Variants in ZNF678 observed in about 807,000 individuals in gnomAD.
The protein encoded by ZNF678 is hypothetical protein MGC42493.
In ZNF678, 5 loss-of-function variants were observed where a neutral mutation model predicts 3.0. The ratio of observed to expected loss-of-function variants is 1.69; its 90% CI spans 0.88 to 3.56. ZNF678 has a LOEUF of 3.56. Among genes scored for constraint, ZNF678 ranks in the 30% most tolerant of loss-of-function variants. ZNF678 has a pLI of 0.00. For missense variants in ZNF678, 593 were observed against 605.0 expected, an observed-to-expected ratio of 0.98 and a Z score of 0.21; for synonymous variants, 218 against 199.6, an observed-to-expected ratio of 1.09 and a Z score of -0.78.
At chr1:227,652,946 T>C (rs1659125184) in intron 3 of ZNF678, among the ~76,000 whole-genome samples, 1 of 152,156 alleles carries the variant, frequency 6.6e-6, no homozygotes, top group Non-Finnish European at 1.5e-5. Context: ...AGGACAGTTG[T>C]ACTGGTGATG....
At chr1:227,632,535 C>T (rs573054526) in intron 1 of ZNF678, among the ~76,000 whole-genome samples, 4 of 152,168 alleles carry the variant, frequency 2.6e-5, no homozygotes, top group East Asian at 3.9e-4. Flanking sequence ...AGTCGGCCCT[C>T]GGCTTCCCCC....
rs1396900252 is a variant in ZNF678, at chr1:227,660,457, T to A, written c.*4629T>A. The A allele has an allele frequency of 2.0e-5, 3 of 152,140 alleles. No homozygotes were observed. Among genetic ancestry groups the A allele is most frequent in the African/African-American group, 7.2e-5 (3 of 41,448 alleles). 9.4% of individuals were successfully genotyped at this position (152,140 alleles called of 1,614,324 possible). ...TGTAGAGATCTTTAACATTTTTGAA[T>A]AATTTTATTTGGAAGTAAACTTTCT... is the stretch of plus-strand genomic sequence containing the variant. On this transcript the variant is annotated 3_prime_UTR_variant, in exon 4 of 4. Coordinates refer to ENST00000343776, the MANE Select transcript of ZNF678 (RefSeq NM_001367909.1).
At chr1:227,607,871 C>T (rs1404076907) in intron 1 of ZNF678, among the ~76,000 whole-genome samples, 1 of 149,424 alleles carries the variant, frequency 6.7e-6, no homozygotes, top group African/African-American at 2.4e-5. Context: ...AATAAATTGG[C>T]ACAGTTATAG....
chr1:227,592,920 A>G (rs1657454196), intron 1 of ZNF678, among the ~76,000 whole-genome samples: 1 of 152,242 alleles, frequency 6.6e-6, no homozygotes, highest in Admixed American at 6.5e-5. Flanking sequence ...GGGGATGAAC[A>G]AGGGCTGACT....
chr1:227,624,558 G>T (rs1453820810), intron 1 of ZNF678, among the ~76,000 whole-genome samples: 1 of 152,162 alleles, frequency 6.6e-6, no homozygotes, highest in Non-Finnish European at 1.5e-5. Context: ...AGATGGTGGT[G>T]GACCACTCCC....
chr1:227,649,776 G>T (rs1659046869), intron 2 of ZNF678, among the ~76,000 whole-genome samples: 1 of 152,158 alleles, frequency 6.6e-6, no homozygotes, highest in Non-Finnish European at 1.5e-5. Flanking sequence ...GTGATAGTCA[G>T]CCCTCTGATA....
At chr1:227,590,609 A>G (rs893734660) in intron 1 of ZNF678, among the ~76,000 whole-genome samples, 1 of 151,814 alleles carries the variant, frequency 6.6e-6, no homozygotes, top group Admixed American at 6.6e-5. Context: ...TTTCGCAGGA[A>G]GCATAGACAG....
rs1336142293 is a variant in ZNF678, at chr1:227,638,727, T to C, written c.-163-7817T>C. On this transcript the variant is annotated intron_variant, in intron 1 of 3. Transcript: ENST00000343776. The surrounding 1 kb of genome is among the most constrained non-coding windows in gnomAD (Gnocchi z 4.2). ...TGGAGTTTTGAAAGGATGTCTCTGC[T>C]TAGGAGCAGAGTTGGGCATGAGGGC... is the stretch of plus-strand genomic sequence containing the variant. 6.6e-6 allele frequency among the ~76,000 whole-genome samples: 1 copy of C among 151,960 alleles called. No individual in the cohort carries two copies. Among genetic ancestry groups the C allele is most frequent in the Non-Finnish European group, 1.5e-5 (1 of 67,988 alleles).
At position 227,655,377 on chromosome 1, in the gene ZNF678, C is replaced by T; in HGVS notation, c.1127C>T (p.Pro376Leu). Residue 376 changes from proline (P) to leucine (L), a missense_variant, in exon 4 of 4, where the codon CCC (proline) becomes CTC (leucine). Coordinates refer to ENST00000343776, the MANE Select transcript of ZNF678 (RefSeq NM_001367909.1). ...QHKRIHTGEK[P>L]YKCKECGKAF... Reference sequence around the variant, plus strand: ...AAAAGAATTCATACTGGAGAGAAACCCTACAAATGCAAAGAATGTGGCAAA... The same window carrying T: ...AAAAGAATTCATACTGGAGAGAAACTCTACAAATGCAAAGAATGTGGCAAA... 6.2e-7 allele frequency: 1 copy of T among 1,612,356 alleles called. No individual in the cohort carries two copies. The highest frequency in any genetic ancestry group is 8.5e-7 in the Non-Finnish European group (1 of 1,179,278).
At chr1:227,630,526 A>C (rs1030599723) in intron 1 of ZNF678, among the ~76,000 whole-genome samples, 1 of 152,202 alleles carries the variant, frequency 6.6e-6, no homozygotes, top group African/African-American at 2.4e-5. Flanking sequence ...ATATCTCTCC[A>C]TGTCAGATCA....
chr1:227,631,825 G>T lies in ZNF678; in HGVS notation c.-163-14719G>T, dbSNP rs554032170. ...GGTATTGACTTATGTAGGATCACTA[G>T]GCAAAGCTGTGAGAGAGATAATTCC... On this transcript the variant is annotated intron_variant, in intron 1 of 3. Transcript: ENST00000343776. Among the ~76,000 whole-genome samples, 14 of 152,326 alleles carry T rather than the reference G, an allele frequency of 9.2e-5. No homozygotes were observed. In the South Asian group the frequency reaches 2.9e-3, roughly 32 times the overall value.
chr1:227,600,836 T>G (rs1246710095), intron 1 of ZNF678, among the ~76,000 whole-genome samples: 2 of 152,244 alleles, frequency 1.3e-5, no homozygotes, highest in African/African-American at 4.8e-5. Context: ...GCTTTTGGCA[T>G]CTTCGTCATG....
intron 2 of ZNF678, among the ~76,000 whole-genome samples, chr1:227,648,112 C>T (rs1381806608): frequency 6.6e-6 from 1 of 152,080 alleles, no homozygotes; most frequent in Non-Finnish European, 1.5e-5. Flanking sequence ...AATTTAAACT[C>T]TATGCCCACA....
chr1:227,626,798 AT>A (rs1348269842), intron 1 of ZNF678, among the ~76,000 whole-genome samples: 2 of 151,886 alleles, frequency 1.3e-5, no homozygotes, highest in African/African-American at 4.8e-5. Context: ...GTGATATTGT[AT>A]GTCTAATGTC....
At chr1:227,615,842 C>T (rs961086685) in intron 1 of ZNF678, among the ~76,000 whole-genome samples, 1 of 152,220 alleles carries the variant, frequency 6.6e-6, no homozygotes, top group Non-Finnish European at 1.5e-5. Context: ...TTTTGGTAGT[C>T]CAGCCCTGGT....
chr1:227,566,799 A>C (rs922115902), intron 1 of ZNF678, among the ~76,000 whole-genome samples: 14 of 152,006 alleles, frequency 9.2e-5, no homozygotes, highest in African/African-American at 3.4e-4. Context: ...TTCATTTGTT[A>C]AAAAACTCAT....
chr1:227,673,338 T>C (rs1246326320), intron 5 of ZNF678, among the ~76,000 whole-genome samples: 1 of 152,240 alleles, frequency 6.6e-6, no homozygotes, highest in South Asian at 2.1e-4. Context: ...CTGTCTTAGA[T>C]GACGTTTCTG....
At chr1:227,591,752 G>C (rs1176628150) in intron 1 of ZNF678, among the ~76,000 whole-genome samples, 1 of 152,104 alleles carries the variant, frequency 6.6e-6, no homozygotes, top group Non-Finnish European at 1.5e-5. Context: ...GTTCTTTTTA[G>C]AGTTCCAGTA....
intron 3 of ZNF678, 31 bp downstream of exon 3, chr1:227,651,107 C>A (rs1414230544): frequency 6.2e-7 from 1 of 1,606,750 alleles, no homozygotes; most frequent in Admixed American, 1.7e-5. Context: ...GGTCTCCAGG[C>A]TGATGAGATC....
Sources: gnomAD v4.1 joint callset for allele counts (sites outside exome capture counted in the v4.1 genomes callset) on GRCh38, gnomAD v4.1.1 for gene constraint, Gnocchi (gnomAD v3.1) non-coding constraint, MANE v1.5 for transcripts, NCBI Gene and HGNC (gene_info 2026-07-23, HGNC 2026-07-21) for gene names.